Variants in LRRC8B observed in about 807,000 individuals in gnomAD.
LRRC8B encodes the protein leucine rich repeat containing 8 VRAC subunit B, also known as volume-regulated anion channel subunit LRRC8B.
Under a neutral mutation model 58.8 loss-of-function variants are expected in LRRC8B, and 23 were observed. The observed-to-expected ratio is 0.39, with a 90% confidence interval of 0.28 to 0.55. LRRC8B has a LOEUF of 0.55. LRRC8B is among the 20% of genes least tolerant of loss of function. The pLI is 0.62. For missense variants in LRRC8B, 694 were observed against 936.0 expected, an observed-to-expected ratio of 0.74 and a Z score of 3.37; for synonymous variants, 359 against 374.1, an observed-to-expected ratio of 0.96 and a Z score of 0.47.
intron 3 of LRRC8B, among the ~76,000 whole-genome samples, chr1:89,571,424 T>C (rs992940498): frequency 2.0e-5 from 3 of 151,750 alleles, no homozygotes; most frequent in African/African-American, 7.2e-5. Context: ...TCCCTAGTTA[T>C]CTGTATTCCT....
chr1:89,547,326 T>A (rs1224825722), intron 1 of LRRC8B, among the ~76,000 whole-genome samples: 1 of 152,170 alleles, frequency 6.6e-6, no homozygotes, highest in African/African-American at 2.4e-5. Flanking sequence ...TTAAAGACTC[T>A]TTCTGTTTTA....
At chr1:89,545,498 A>G (rs1434074529) in intron 1 of LRRC8B, among the ~76,000 whole-genome samples, 1 of 152,190 alleles carries the variant, frequency 6.6e-6, no homozygotes, top group Non-Finnish European at 1.5e-5. Flanking sequence ...CCACCCTGTC[A>G]TACTGTGTCT....
intron 1 of LRRC8B, among the ~76,000 whole-genome samples, chr1:89,546,856 ATAT>A (rs1651444436): frequency 6.6e-6 from 1 of 152,040 alleles, no homozygotes; most frequent in South Asian, 2.1e-4. Context: ...TTAATTGATA[ATAT>A]TAAGGAATTG....
intron 5 of LRRC8B, 51 bp from the exon 6 acceptor site, chr1:89,592,720 A>C (rs367948260): frequency 4.6e-6 from 7 of 1,534,062 alleles, no homozygotes; most frequent in Admixed American, 1.9e-5. Flanking sequence ...ATGTCTTATC[A>C]TAAGCCACCA....
chr1:89,532,127 C>T (rs1650181350), intron 1 of LRRC8B, among the ~76,000 whole-genome samples: 1 of 152,134 alleles, frequency 6.6e-6, no homozygotes, highest in Non-Finnish European at 1.5e-5. Flanking sequence ...CAAGAGTCAG[C>T]TCAAATGTGT....
At position 89,584,280 on chromosome 1, in the gene LRRC8B, T is replaced by C. The variant is rs370135162; in HGVS notation, c.1630T>C (p.Tyr544His). 3.7e-6 allele frequency: 6 copies of C among 1,613,964 alleles called. No homozygotes were observed. Among genetic ancestry groups the C allele is most frequent in the Non-Finnish European group, 5.1e-6 (6 of 1,180,030 alleles). Residue 544 changes from tyrosine to histidine, a missense_variant, in exon 5 of 6, where the codon TAC (tyrosine) becomes CAC (histidine). Tyr to His is a moderately conservative substitution (Grantham distance 83). Transcript: ENST00000330947. ...FQDLKNLRTLYLKSSLSRIPQ... is the reference protein window; with the variant it reads ...FQDLKNLRTLHLKSSLSRIPQ... ...GGACTTAAAAAATCTAAGGACCCTG[T>C]ACTTGAAGAGCAGCCTCTCCCGGAT...
intron 3 of LRRC8B, among the ~76,000 whole-genome samples, chr1:89,569,077 T>C (rs1653242224): frequency 6.6e-6 from 1 of 152,204 alleles, no homozygotes; most frequent in Non-Finnish European, 1.5e-5. Context: ...ATGAAGAATT[T>C]GTACACTGTA....
intron 3 of LRRC8B, among the ~76,000 whole-genome samples, chr1:89,572,260 A>G (rs539031096): frequency 2.0e-5 from 3 of 152,286 alleles, no homozygotes; most frequent in African/African-American, 7.2e-5. Flanking sequence ...CTTTCTGTCT[A>G]GCTGCCTATT....
intron 1 of LRRC8B, among the ~76,000 whole-genome samples, chr1:89,528,636 C>T (rs559810763): frequency 6.6e-6 from 1 of 152,194 alleles, no homozygotes; most frequent in African/African-American, 2.4e-5. Flanking sequence ...GTTTCTCTTT[C>T]ACATTAAACA....
chr1:89,562,165 A>ACACACACT (rs1249885704), intron 1 of LRRC8B, among the ~76,000 whole-genome samples: 1 of 151,674 alleles, frequency 6.6e-6, no homozygotes, highest in Non-Finnish European at 1.5e-5. Context: ...ACACACACAC[A>ACACACACT]CACACACACA....
intron 3 of LRRC8B, among the ~76,000 whole-genome samples, chr1:89,574,563 A>C (rs1653703752): frequency 6.6e-6 from 1 of 152,224 alleles, no homozygotes; most frequent in Admixed American, 6.5e-5. Flanking sequence ...AAAATATCAG[A>C]AGCTCTGAGT....
intron 1 of LRRC8B, among the ~76,000 whole-genome samples, chr1:89,525,775 C>A (rs1262792755): frequency 1.3e-5 from 2 of 151,490 alleles, no homozygotes; most frequent in African/African-American, 4.8e-5. Flanking sequence ...CTTTTTTTTT[C>A]TTTGTGGTCA....
chr1:89,557,636 C>T (rs1652286725), intron 1 of LRRC8B, among the ~76,000 whole-genome samples: 1 of 152,234 alleles, frequency 6.6e-6, no homozygotes, highest in South Asian at 2.1e-4. Context: ...TTCCACACTG[C>T]TGCCATGGAA....
At chr1:89,576,101 A>G (rs900936735) in intron 3 of LRRC8B, among the ~76,000 whole-genome samples, 1 of 152,192 alleles carries the variant, frequency 6.6e-6, no homozygotes, top group African/African-American at 2.4e-5. Flanking sequence ...TTGCTGGATG[A>G]CAGCACTATT....
At chr1:89,555,683 G>A (rs529575674) in intron 1 of LRRC8B, among the ~76,000 whole-genome samples, 7 of 152,312 alleles carry the variant, frequency 4.6e-5, no homozygotes, top group South Asian at 2.1e-4. Flanking sequence ...GTGTCCCTTA[G>A]GAAATAACTT....
In LRRC8B at chr1:89,583,176, C is replaced by G. The variant is rs1281035052; in HGVS notation, c.526C>G (p.Gln176Glu). 6.2e-7 allele frequency: 1 copy of G among 1,614,180 alleles called. No individual in the cohort carries two copies. Residue 176 changes from glutamine (Q) to glutamate (E), a missense_variant, in exon 5 of 6, where the codon CAG becomes GAG. Transcript: ENST00000330947. This position sits in a 1 kb window ranked among gnomAD's most constrained non-coding sequence, Gnocchi z 5.2. ...CGCCCTTTCAGAAACAGTGGCTGAG[C>G]AGTCAGTGAGGCCTCTGAAACTCTC... ...TRALSETVAE[Q>E]SVRPLKLSKS...
At chr1:89,577,072 G>C (rs1207789239) in intron 3 of LRRC8B, among the ~76,000 whole-genome samples, 3 of 152,100 alleles carry the variant, frequency 2.0e-5, no homozygotes, top group South Asian at 2.1e-4. Flanking sequence ...CATTTTGAAG[G>C]GATATAAGGT....
intron 1 of LRRC8B, among the ~76,000 whole-genome samples, chr1:89,557,164 C>T (rs1187877836): frequency 6.6e-6 from 1 of 152,098 alleles, no homozygotes; most frequent in Non-Finnish European, 1.5e-5. Flanking sequence ...GAGTGACATT[C>T]TATGTTTGGG....
intron 4 of LRRC8B, among the ~76,000 whole-genome samples, chr1:89,581,624 T>C (rs1244655451): frequency 6.6e-6 from 1 of 152,236 alleles, no homozygotes; most frequent in Non-Finnish European, 1.5e-5. Flanking sequence ...TGAATACTTT[T>C]CAGTATGAAA....
Sources: allele counts gnomAD v4.1 joint callset (sites outside exome capture counted in the v4.1 genomes callset), GRCh38; gene constraint gnomAD v4.1.1; non-coding constraint Gnocchi (gnomAD v3.1); transcripts MANE v1.5; gene names NCBI Gene and HGNC (gene_info 2026-07-23, HGNC 2026-07-21).